The following HECW1 variants were observed in gnomAD, a reference collection of about 807,000 sequenced individuals.
HECW1 encodes E3 ubiquitin-protein ligase HECW1.
In HECW1, 61 loss-of-function variants were observed where a neutral mutation model predicts 182.3. The ratio of observed to expected loss-of-function variants is 0.33; its 90% CI spans 0.27 to 0.41. The LOEUF is 0.41. Among genes scored for constraint, HECW1 ranks in the 10% least tolerant of loss-of-function variants. The probability of loss-of-function intolerance (pLI) is 1.00; values close to 1 mark genes in which losing one functional copy is unlikely to be tolerated. For synonymous variants in HECW1, 859 were observed against 832.6 expected (o/e 1.03, Z -0.55); for missense variants, 1,739 against 2,108.9 (o/e 0.82, Z 3.44).
intron 17 of HECW1, among the ~76,000 whole-genome samples, chr7:43,488,494 G>GAAAGAAAGAAAGAAAGAGAAAA (rs1563046920): frequency 2.1e-5 from 3 of 144,238 alleles, no homozygotes; most frequent in Non-Finnish European, 3.1e-5. Context: ...GAAAGAGAAA[G>GAAAGAAAGAAAGAAAGAGAAAA]AAAGAAAGAA....
chr7:43,565,520 A>G lies in HECW1; in HGVS notation c.*3594A>G, dbSNP rs926592662. ...CCCAGTCAAGATGAAACACTTTCAA[A>G]TGAAAGTAGTTAGAACTTTACATAA... On this transcript the variant is annotated 3_prime_UTR_variant, in exon 30 of 30. Transcript: ENST00000395891. 1 of 181,510 alleles carries G rather than the reference A, an allele frequency of 5.5e-6. No homozygotes were observed. Among genetic ancestry groups the G allele is most frequent in the African/African-American group, 2.4e-5 (1 of 42,364 alleles). The allele number at this position is 181,510 out of a possible 1,614,324, so 11.2% of individuals were successfully genotyped here. A position where few individuals can be genotyped will look rare whatever the true frequency, so the allele number is the denominator to read the frequency against.
chr7:43,531,505 T>C (rs908989798), intron 24 of HECW1, among the ~76,000 whole-genome samples: 3 of 152,186 alleles, frequency 2.0e-5, no homozygotes, highest in Non-Finnish European at 2.9e-5. Flanking sequence ...TTCCCTCACA[T>C]TGAAAAAACA....
At chr7:43,333,655 G>A (rs916723332) in intron 5 of HECW1, among the ~76,000 whole-genome samples, 3 of 152,144 alleles carry the variant, frequency 2.0e-5, no homozygotes, top group African/African-American at 4.8e-5. Context: ...TCCAGTGCAG[G>A]AAGCATGAGA....
chr7:43,548,897 T>C (rs149811693), intron 26 of HECW1, among the ~76,000 whole-genome samples: 2 of 152,258 alleles, frequency 1.3e-5, no homozygotes, highest in African/African-American at 4.8e-5. Context: ...AGAGCTGAGA[T>C]TGTACCACTG....
chr7:43,136,737 A>G (rs560425563), intron 2 of HECW1, among the ~76,000 whole-genome samples: 33 of 152,320 alleles, frequency 2.2e-4, no homozygotes, highest in Non-Finnish European at 8.8e-5. Flanking sequence ...AGATAAGAGA[A>G]CTTTTTCCCA....
intron 24 of HECW1, among the ~76,000 whole-genome samples, chr7:43,528,614 G>T (rs372867151): frequency 2.0e-5 from 3 of 152,226 alleles, no homozygotes; most frequent in Admixed American, 1.3e-4. Context: ...TCTGCATAAG[G>T]TACTTTTAGA....
chr7:43,116,018 C>T (rs1424469176), intron 2 of HECW1, among the ~76,000 whole-genome samples: 9 of 152,086 alleles, frequency 5.9e-5, no homozygotes, highest in Admixed American at 5.2e-4. Context: ...GAGTGGATTT[C>T]AGGTCATAAA....
intron 5 of HECW1, among the ~76,000 whole-genome samples, chr7:43,340,418 A>G (rs1401552606): frequency 6.6e-6 from 1 of 150,684 alleles, no homozygotes; most frequent in African/African-American, 2.5e-5. Flanking sequence ...ACGGGGGTTC[A>G]CCATATTGGC....
chr7:43,369,565 T>C (rs2152818571), intron 6 of HECW1, among the ~76,000 whole-genome samples: 1 of 152,326 alleles, frequency 6.6e-6, no homozygotes, highest in African/African-American at 2.4e-5. Flanking sequence ...GGCAGCACTA[T>C]GAAAGCTGGA....
intron 5 of HECW1, among the ~76,000 whole-genome samples, chr7:43,346,430 C>T: frequency 6.6e-6 from 1 of 152,072 alleles, no homozygotes; most frequent in South Asian, 2.1e-4. Context: ...GATTTTCTCC[C>T]AATATGTGGG....
At chr7:43,547,830 G>T (rs368183835) in intron 26 of HECW1, among the ~76,000 whole-genome samples, 2 of 152,240 alleles carry the variant, frequency 1.3e-5, no homozygotes, top group East Asian at 1.9e-4. Flanking sequence ...GTGGCCCTTC[G>T]TGTGGGTCCC....
intron 2 of HECW1, among the ~76,000 whole-genome samples, chr7:43,210,450 A>AGTGTGTGTGTGTGTGTGTGTGT (rs57987187): frequency 6.9e-6 from 1 of 145,404 alleles, no homozygotes; most frequent in African/African-American, 2.6e-5. Flanking sequence ...AGTAGAAGTG[A>AGTGTGTGTGTGTGTGTGTGTGT]GTGTGTGTGT....
chr7:43,537,271 T>C (rs1449456958), intron 24 of HECW1, among the ~76,000 whole-genome samples: 1 of 152,228 alleles, frequency 6.6e-6, no homozygotes, highest in East Asian at 1.9e-4. Context: ...TAGGGTCTTA[T>C]TTTACTTTAT....
chr7:43,463,728 A>C lies in HECW1; in HGVS notation c.2720A>C (p.Glu907Ala), dbSNP rs761826968. Residue 907 changes from glutamate to alanine, a missense_variant, in exon 14 of 30, where the codon GAG becomes GCG. By Grantham distance (107) the Glu-to-Ala change is moderately radical. Around this residue, in one of 5 missense-constraint regions of HECW1, gnomAD observed 971 missense variants for 1,029.1 expected, o/e 0.94. Transcript: ENST00000395891. ...SEEDSGSQSCEQAPAGGGGGG... is the reference protein window; with the variant it reads ...SEEDSGSQSCAQAPAGGGGGG... Reference sequence around the variant, plus strand: ...GAAGATTCTGGCAGCCAAAGCTGCGAGCAAGCCCCAGCAGGAGGAGGCGGA... The same window carrying C: ...GAAGATTCTGGCAGCCAAAGCTGCGCGCAAGCCCCAGCAGGAGGAGGCGGA... 2 of 1,613,930 alleles carry C rather than the reference A, an allele frequency of 1.2e-6. No homozygotes were observed. The highest frequency in any genetic ancestry group is 1.3e-5 in the African/African-American group (1 of 74,890).
At chr7:43,273,233 C>G (rs1436421277) in intron 3 of HECW1, among the ~76,000 whole-genome samples, 4 of 152,092 alleles carry the variant, frequency 2.6e-5, no homozygotes, top group Admixed American at 2.0e-4. Flanking sequence ...TGCTCAGTAC[C>G]TGGTTGACAG....
intron 11 of HECW1, among the ~76,000 whole-genome samples, chr7:43,447,425 T>A (rs1468622243): frequency 1.3e-5 from 2 of 152,210 alleles, no homozygotes; most frequent in African/African-American, 2.4e-5. Context: ...ATCTCTGAAT[T>A]GGCACTGGCA....
At chr7:43,309,327 T>C (rs1718244513) in intron 3 of HECW1, among the ~76,000 whole-genome samples, 1 of 152,104 alleles carries the variant, frequency 6.6e-6, no homozygotes, top group Admixed American at 6.6e-5. Flanking sequence ...AGGGACGGCT[T>C]TGAGGCTGCC....
At position 43,541,248 on chromosome 7, in the gene HECW1, G is replaced by A; in HGVS notation, c.4105G>A (p.Ala1369Thr). 1 of 1,613,532 alleles carries A rather than the reference G, an allele frequency of 6.2e-7. No homozygotes were observed. Among genetic ancestry groups the A allele is most frequent in the South Asian group, 1.1e-5 (1 of 91,058 alleles). ...DAFFTRPFYK[A>T]LLRLPCDLSD... ...TTTCTTCACGAGGCCCTTCTACAAG[G>A]CACTCCTGAGACTGTAAGTGCTTTG... The change falls in exon 25 of 30, where the codon GCA becomes ACA. Residue 1369 changes from alanine to threonine, a missense_variant. Ala to Thr is a moderately conservative substitution (Grantham distance 58, BLOSUM62 0). Around this residue, in one of 5 missense-constraint regions of HECW1, gnomAD observed 420 missense variants for 595.7 expected, o/e 0.71. Transcript: ENST00000395891.
At chr7:43,309,872 C>T (rs1171773971) in intron 3 of HECW1, among the ~76,000 whole-genome samples, 1 of 152,156 alleles carries the variant, frequency 6.6e-6, no homozygotes, top group African/African-American at 2.4e-5. Context: ...AGGTTTCCTT[C>T]CTAAAGCATT....
Sources: allele counts gnomAD v4.1 joint callset (sites outside exome capture counted in the v4.1 genomes callset), GRCh38; gene constraint gnomAD v4.1.1; regional missense constraint gnomAD v4.1.1; transcripts MANE v1.5; gene names NCBI Gene and HGNC (gene_info 2026-07-23, HGNC 2026-07-21).